The following NME9 variants were observed in gnomAD, a reference collection of about 807,000 sequenced individuals.
NME9 encodes the protein NME/NM23 family member 9.
In NME9, 48 loss-of-function variants were observed where a neutral mutation model predicts 44.4. That is an observed-to-expected ratio of 1.08 (90% CI 0.86 to 1.37). The LOEUF is 1.37. Ranked by LOEUF, NME9 falls within the 40% of genes most tolerant of loss-of-function variation. NME9 has a pLI of 0.00. For missense variants in NME9, 325 were observed against 405.2 expected (o/e 0.80, Z 1.70); for synonymous variants, 139 against 147.1 (o/e 0.94, Z 0.40).
chr3:138,291,473 G>C (rs1011967933), intron 8 of NME9, among the ~76,000 whole-genome samples: 2 of 152,146 alleles, frequency 1.3e-5, no homozygotes, highest in Non-Finnish European at 2.9e-5. Context: ...CCTGCCTTCT[G>C]CCAGGCATTG....
Position 138,311,292 on chromosome 3 carries a change from A to T in NME9, c.460+3040T>A, listed in dbSNP as rs559859850. ...GAAAATCTCAGGACCTGATGGCTTC[A>T]ATTCTAAATTCTACCAAACATTTAA... is the stretch of plus-strand genomic sequence containing the variant. On this transcript the variant is annotated intron_variant, in intron 6 of 10. Coordinates refer to ENST00000333911, the MANE Select transcript of NME9 (RefSeq NM_001349018.2). 3.9e-5 allele frequency among the ~76,000 whole-genome samples: 6 copies of T among 152,322 alleles called. No individual in the cohort carries two copies. In the South Asian group the frequency reaches 1.2e-3, roughly 32 times the overall value.
chr3:138,293,268 G>A (rs764996383), intron 8 of NME9, among the ~76,000 whole-genome samples: 3 of 152,196 alleles, frequency 2.0e-5, no homozygotes, highest in South Asian at 2.1e-4. Context: ...TAGGCTGGGC[G>A]CGGTGGCTCA....
chr3:138,270,165 CA>C, intron 8 of NME9: 10 of 1,415,688 alleles, frequency 7.1e-6, no homozygotes, highest in Non-Finnish European at 9.0e-6. Flanking sequence ...TCATAACTTA[CA>C]AAAGGAATAC....
At chr3:138,305,127 G>T in intron 8 of NME9, 100 bp from the exon 9 acceptor site, 1 of 1,122,418 alleles carries the variant, frequency 8.9e-7, no homozygotes, top group Non-Finnish European at 1.3e-6. Flanking sequence ...GGGAGTTAGT[G>T]AGCAGCCTTG....
chr3:138,274,380 T>G, intron 8 of NME9: 1 of 1,038,636 alleles, frequency 9.6e-7, no homozygotes, highest in Non-Finnish European at 1.5e-6. Flanking sequence ...GTTTTAACTT[T>G]TAGAAGCCTT....
exon 9 of NME9, chr3:138,261,497 T>TAG (rs2047739263): frequency 6.6e-6 from 1 of 152,150 alleles, no homozygotes; most frequent in Non-Finnish European, 1.5e-5. Context: ...AGTATGGAGC[T>TAG]AGAGGTCAGG....
intron 8 of NME9, chr3:138,289,090 A>T: frequency 6.2e-7 from 1 of 1,613,464 alleles, no homozygotes; most frequent in Non-Finnish European, 8.5e-7. Flanking sequence ...CATGTTTTGT[A>T]TATCAAACCT....
intron 6 of NME9, among the ~76,000 whole-genome samples, chr3:138,312,851 A>G (rs1191155215): frequency 6.6e-6 from 1 of 152,248 alleles, no homozygotes; most frequent in Non-Finnish European, 1.5e-5. Flanking sequence ...TTTGCAAACT[A>G]TCCCTCCGAC....
chr3:138,279,145 G>A (rs2049617259), intron 8 of NME9, among the ~76,000 whole-genome samples: 1 of 152,076 alleles, frequency 6.6e-6, no homozygotes, highest in African/African-American at 2.4e-5. Flanking sequence ...TCGGGTGTAG[G>A]TTTTTCATAG....
intron 7 of NME9, 42 bp downstream of exon 7, chr3:138,306,356 G>T (rs1166119367): frequency 1.4e-6 from 2 of 1,416,080 alleles, no homozygotes; most frequent in East Asian, 2.3e-5. Context: ...CACAAAAGAG[G>T]ACACAAGGAC....
intron 6 of NME9, among the ~76,000 whole-genome samples, chr3:138,308,491 G>A (rs2052442231): frequency 6.6e-6 from 1 of 152,144 alleles, no homozygotes; most frequent in African/African-American, 2.4e-5. Context: ...ACCCAGGAGT[G>A]TAAAATCTGC....
At chr3:138,310,626 C>T in intron 6 of NME9, among the ~76,000 whole-genome samples, 1 of 152,032 alleles carries the variant, frequency 6.6e-6, no homozygotes, top group Non-Finnish European at 1.5e-5. Context: ...AGAAACTACA[C>T]AAACACATGA....
chr3:138,262,208 CAA>C (rs2047813180), exon 9 of NME9: 1 of 203,062 alleles, frequency 4.9e-6, no homozygotes, highest in African/African-American at 2.3e-5. Flanking sequence ...GAGGGAGTCA[CAA>C]AGAGTAGGTA....
At chr3:138,282,970 AC>A (rs761797200) in intron 8 of NME9, among the ~76,000 whole-genome samples, 24 of 152,210 alleles carry the variant, frequency 1.6e-4, no homozygotes, top group Non-Finnish European at 3.2e-4. Flanking sequence ...GTACCAGATC[AC>A]CAGAAATCTG....
rs1363679726 is a variant in NME9 at position 138,329,389 on chromosome 3, C to T, written c.-54G>A. 6.5e-7 allele frequency: 1 copy of T among 1,535,502 alleles called. No individual in the cohort carries two copies. Among genetic ancestry groups the T allele is most frequent in the Non-Finnish European group, 8.7e-7 (1 of 1,146,688 alleles). On this transcript the variant is annotated 5_prime_UTR_variant, in exon 1 of 11. Coordinates refer to ENST00000333911, the MANE Select transcript of NME9 (RefSeq NM_001349018.2). ...ACCGCGGCCGTGGGCCGTTCCCCCG[C>T]AGCCTCGCGACAAACCGCTGCGTGG...
At chr3:138,263,916 G>A (rs1256849637) in intron 8 of NME9, 6 of 1,212,236 alleles carry the variant, frequency 4.9e-6, no homozygotes, top group Non-Finnish European at 7.4e-6. Context: ...GACTACAAAT[G>A]TTCCTCAAAA....
chr3:138,263,117 T>C (rs2047915747), intron 8 of NME9, among the ~76,000 whole-genome samples: 1 of 152,240 alleles, frequency 6.6e-6, no homozygotes, highest in African/African-American at 2.4e-5. Flanking sequence ...TCAAATTCAG[T>C]TTCCTTCACA....
chr3:138,274,616 A>G (rs1362881453), intron 8 of NME9: 2 of 1,112,076 alleles, frequency 1.8e-6, no homozygotes, highest in Non-Finnish European at 2.7e-6. Flanking sequence ...GAGTCTCCTG[A>G]AATATTCAAA....
chr3:138,326,270 T>C (rs897563840), intron 1 of NME9, among the ~76,000 whole-genome samples: 3 of 152,206 alleles, frequency 2.0e-5, no homozygotes, highest in Non-Finnish European at 4.4e-5. Context: ...AGACACAATT[T>C]CCATCTGCCT....
Sources: allele counts gnomAD v4.1 joint callset (sites outside exome capture counted in the v4.1 genomes callset), GRCh38; gene constraint gnomAD v4.1.1; transcripts MANE v1.5; gene names NCBI Gene and HGNC (gene_info 2026-07-23, HGNC 2026-07-21).